Variants in GRAMD1B observed in about 807,000 individuals in gnomAD.
GRAMD1B encodes the protein GRAM domain containing 1B, also known as protein Aster-B.
A neutral mutation model predicts 99.7 loss-of-function variants in GRAMD1B; 37 were observed. That is an observed-to-expected ratio of 0.37 (90% CI 0.29 to 0.49). GRAMD1B has a LOEUF of 0.49. Among genes scored for constraint, GRAMD1B ranks in the 20% least tolerant of loss-of-function variants. The pLI is 0.98. For synonymous variants in GRAMD1B, 427 were observed against 387.6 expected, an observed-to-expected ratio of 1.10 and a Z score of -1.19; for missense variants, 888 against 1,009.2, an observed-to-expected ratio of 0.88 and a Z score of 1.63.
At chr11:123,585,897 CT>C (rs1950022294) in intron 4 of GRAMD1B, among the ~76,000 whole-genome samples, 1 of 152,160 alleles carries the variant, frequency 6.6e-6, no homozygotes, top group African/African-American at 2.4e-5. Context: ...TTAGCTCAGA[CT>C]TTTGTTTTGT....
At position 123,458,136 on chromosome 11, in the gene GRAMD1B, A is replaced by C. The variant is rs1950246138; in HGVS notation, c.375-22680A>C. On this transcript the variant is annotated intron_variant, in intron 1 of 19. Transcript: ENST00000635736. ...GAGAGAGAGGAGAGGGGAGGGGATTAGGGGAATTGGCTTACATGATTATGG... is the reference window on the plus strand; with the variant it reads ...GAGAGAGAGGAGAGGGGAGGGGATTCGGGGAATTGGCTTACATGATTATGG... Among the ~76,000 whole-genome samples the C allele has an allele frequency of 2.0e-5, 3 of 152,262 alleles. 1 individual carries two copies. In the South Asian group the frequency reaches 6.2e-4, roughly 32 times the overall value.
At chr11:123,604,607 G>C (rs76721807) in intron 9 of GRAMD1B, among the ~76,000 whole-genome samples, 118 of 152,268 alleles carry the variant, frequency 7.7e-4, no homozygotes, top group African/African-American at 2.8e-3. Context: ...CTTAGGTCTG[G>C]GCTCAGTCGA....
chr11:123,492,892 A>G lies in GRAMD1B; in HGVS notation c.452+11999A>G, dbSNP rs79137650. ...CACACACACACACACACACACACAC[A>G]CACGCATAGGCATAGATGCCTGTGA... On this transcript the variant is annotated intron_variant, in intron 2 of 19. Coordinates refer to ENST00000635736, the MANE Select transcript of GRAMD1B (RefSeq NM_001387025.1). This position sits in a 1 kb window ranked among gnomAD's most constrained non-coding sequence, Gnocchi z 4.2. Among the ~76,000 whole-genome samples the G allele has an allele frequency of 1.3e-5, 2 of 151,616 alleles. No individual in the cohort carries two copies. Among genetic ancestry groups the G allele is most frequent in the African/African-American group, 4.9e-5 (2 of 41,102 alleles).
intron 2 of GRAMD1B, among the ~76,000 whole-genome samples, chr11:123,548,309 T>C (rs373806845): frequency 0.05 from 4,224 of 84,038 alleles, 102 homozygotes; most frequent in Non-Finnish European, 0.061. Context: ...TATATATATA[T>C]ATATATATAT....
intron 1 of GRAMD1B, among the ~76,000 whole-genome samples, chr11:123,464,494 C>T (rs1225453861): frequency 6.6e-6 from 1 of 152,152 alleles, no homozygotes; most frequent in African/African-American, 2.4e-5. Flanking sequence ...AATCAGCCCC[C>T]TCCACCAATC....
intron 1 of GRAMD1B, among the ~76,000 whole-genome samples, chr11:123,400,435 C>A (rs1026551809): frequency 3.3e-5 from 5 of 152,186 alleles, no homozygotes; most frequent in African/African-American, 1.2e-4. Context: ...CGAGATCGTG[C>A]CATTGCAATT....
intron 2 of GRAMD1B, among the ~76,000 whole-genome samples, chr11:123,518,349 T>C (rs1941873772): frequency 6.6e-6 from 1 of 152,172 alleles, no homozygotes. Context: ...TGGGGATTTC[T>C]ATTGCCAGAC....
Position 123,430,569 on chromosome 11 carries a change from C to T in GRAMD1B, c.-224C>T, listed in dbSNP as rs1275339566. 4.4e-6 allele frequency: 2 copies of T among 451,240 alleles called. No homozygotes were observed. Among genetic ancestry groups the T allele is most frequent in the East Asian group, 3.6e-5 (1 of 27,928 alleles). The allele number at this position is 451,240 out of a possible 1,614,324, so 28.0% of individuals were successfully genotyped here. ...CCCGGGTGGCCTCGCCGGCGGCTGA[C>T]GGCCCGGAGGACGCGCGCTCCGAAA... On this transcript the variant is annotated 5_prime_UTR_variant, in exon 1 of 20. In the 5' UTR this introduces an upstream ATG that the reference lacks. Transcript: ENST00000635736.
chr11:123,536,753 A>G (rs1397783184), intron 2 of GRAMD1B, among the ~76,000 whole-genome samples: 6 of 151,984 alleles, frequency 3.9e-5, no homozygotes, highest in African/African-American at 1.5e-4. Flanking sequence ...AGTCAGTTTG[A>G]CCCTTCCTTT....
At chr11:123,387,480 C>T (rs1441075590) in intron 1 of GRAMD1B, among the ~76,000 whole-genome samples, 1 of 152,068 alleles carries the variant, frequency 6.6e-6, no homozygotes, top group Non-Finnish European at 1.5e-5. Context: ...CTTTGGCTGG[C>T]AAACAAAAGA....
intron 1 of GRAMD1B, among the ~76,000 whole-genome samples, chr11:123,420,293 T>A (rs1948383540): frequency 1.3e-5 from 2 of 152,166 alleles, no homozygotes; most frequent in South Asian, 4.1e-4. Context: ...GCACCAGGAC[T>A]TACCGATCCC....
rs1451751440 is a variant in GRAMD1B at position 123,610,768 on chromosome 11, C to T, written c.1919+430C>T. Among the ~76,000 whole-genome samples, 1 of 152,298 alleles carries T rather than the reference C, an allele frequency of 6.6e-6. No homozygotes were observed. The highest frequency in any genetic ancestry group is 2.1e-4 in the South Asian group (1 of 4,824). Reference sequence around the variant, plus strand: ...TAGAGTTGTAAACCTGTGCTCTGTCCACCATGCTGCGTGGATTGCCATTAG... The same window carrying T: ...TAGAGTTGTAAACCTGTGCTCTGTCTACCATGCTGCGTGGATTGCCATTAG... On this transcript the variant is annotated intron_variant, in intron 14 of 19. Coordinates refer to ENST00000635736, the MANE Select transcript of GRAMD1B (RefSeq NM_001387025.1). This position sits in a 1 kb window ranked among gnomAD's most constrained non-coding sequence, Gnocchi z 4.1.
rs540706364 is a variant in GRAMD1B, at chr11:123,499,814, G to A, written c.452+18921G>A. Among the ~76,000 whole-genome samples the A allele has an allele frequency of 3.9e-5, 6 of 152,288 alleles. No individual in the cohort carries two copies. The Middle Eastern group carries it at 0.01, about 259-fold the overall frequency. ...TGTCTTTTATGTCAGCATGATGGACGAATTAGTCAATTGAATTTAGAGTTG... is the reference window on the plus strand; with the variant it reads ...TGTCTTTTATGTCAGCATGATGGACAAATTAGTCAATTGAATTTAGAGTTG... On this transcript the variant is annotated intron_variant, in intron 2 of 19. Transcript: ENST00000635736.
chr11:123,493,549 G>T (rs1565297872), intron 2 of GRAMD1B, among the ~76,000 whole-genome samples: 1 of 152,240 alleles, frequency 6.6e-6, no homozygotes, highest in African/African-American at 2.4e-5. Flanking sequence ...AGAGACAGCT[G>T]CCTTGAGGGT....
intron 1 of GRAMD1B, among the ~76,000 whole-genome samples, chr11:123,472,731 G>C (rs966636827): frequency 6.6e-6 from 1 of 152,172 alleles, no homozygotes; most frequent in African/African-American, 2.4e-5. Flanking sequence ...ACATAGCCCA[G>C]GGGGAAGGCT....
rs371994802 is a variant in GRAMD1B, at chr11:123,608,794, G to A, written c.1649G>A (p.Arg550His). 9.4e-5 allele frequency: 145 copies of A among 1,546,936 alleles called. 1 individual carries two copies. The Middle Eastern group carries it at 1.2e-3, about 13-fold the overall frequency. The change falls in exon 12 of 20, where the codon CGC (arginine) becomes CAC (histidine). Residue 550 changes from arginine (R) to histidine (H), a missense_variant. Physicochemically the swap from Arg to His is conservative, Grantham distance 29 (BLOSUM62 0). Transcript: ENST00000635736. ...CAGCGGGATTTCATGGAGCAGCGGCGCTTCTCTGGTCCGTTCTGCTGGGAC... is the reference window on the plus strand; with the variant it reads ...CAGCGGGATTTCATGGAGCAGCGGCACTTCTCTGGTCCGTTCTGCTGGGAC... ...PFQRDFMEQR[R>H]FSDIIFHPWK...
Position 123,606,155 on chromosome 11 carries a change from A to G in GRAMD1B, c.1324-454A>G, listed in dbSNP as rs143636958. ...ATTATTCATTGGATACCTGGTCTTT[A>G]TTTTCCATCTCTGAGGTTATCTTTA... On this transcript the variant is annotated intron_variant, in intron 10 of 19. Coordinates refer to ENST00000635736, the MANE Select transcript of GRAMD1B (RefSeq NM_001387025.1). 6.3e-3 allele frequency among the ~76,000 whole-genome samples: 952 copies of G among 152,320 alleles called. 6 individuals carry two copies. The highest frequency in any genetic ancestry group is 0.021 in the African/African-American group (878 of 41,576).
At chr11:123,471,452 T>C (rs937463128) in intron 1 of GRAMD1B, among the ~76,000 whole-genome samples, 4 of 152,114 alleles carry the variant, frequency 2.6e-5, no homozygotes, top group Non-Finnish European at 5.9e-5. Context: ...GGAAACATTT[T>C]AGGACCAAAT....
intron 1 of GRAMD1B, among the ~76,000 whole-genome samples, chr11:123,467,660 A>G (rs1425886415): frequency 1.3e-5 from 2 of 152,094 alleles, no homozygotes; most frequent in Non-Finnish European, 2.9e-5. Context: ...GCATCGCCAG[A>G]TGTCTGGAAC....
Sources: allele counts gnomAD v4.1 joint callset (sites outside exome capture counted in the v4.1 genomes callset), GRCh38; gene constraint gnomAD v4.1.1; non-coding constraint Gnocchi (gnomAD v3.1); transcripts MANE v1.5; gene names NCBI Gene and HGNC (gene_info 2026-07-23, HGNC 2026-07-21).